The following GGTA1 variants were observed in gnomAD, a reference collection of about 807,000 sequenced individuals.
GGTA1 encodes the protein glycoprotein alpha-galactosyltransferase 1 (inactive), also known as inactive N-acetyllactosaminide alpha-1,3-galactosyltransferase.
Under a neutral mutation model 2.6 loss-of-function variants are expected in GGTA1, and 5 were observed. The observed-to-expected ratio is 1.92, with a 90% CI of 1.00 to 4.04. The LOEUF is 4.04. Among genes scored for constraint, GGTA1 ranks in the 30% most tolerant of loss-of-function variants. The pLI is 0.00. For missense variants in GGTA1, 50 were observed against 16.7 expected, an observed-to-expected ratio of 2.99 and a Z score of -3.47; for synonymous variants, 17 against 5.0, an observed-to-expected ratio of 3.38 and a Z score of -3.19.
chr9:121,499,538 C>G (rs1336942465), intron 1 of GGTA1, 112 bp downstream of exon 1: 1 of 152,560 alleles, frequency 6.6e-6, no homozygotes, highest in Admixed American at 6.5e-5. Context: ...CGGGCAGCGC[C>G]GGAGCAGCGG....
intron 1 of GGTA1, among the ~76,000 whole-genome samples, chr9:121,496,957 C>T (rs150094694): frequency 9.6e-4 from 145 of 151,770 alleles, no homozygotes; most frequent in African/African-American, 2.8e-3. Flanking sequence ...CTTTGGGAGG[C>T]GGAGGTGGGT....
chr9:121,487,842 C>T (rs35904334), intron 1 of GGTA1, among the ~76,000 whole-genome samples: 79,356 of 151,616 alleles, frequency 0.52, 21,217 homozygotes, highest in South Asian at 0.66. Flanking sequence ...CAGCCTCCCA[C>T]GTAGCTGGGA....
rs1287660172 is a variant in GGTA1, at chr9:121,488,694, G to A, written c.-10+10956C>T. Among the ~76,000 whole-genome samples the A allele has an allele frequency of 2.0e-5, 3 of 152,220 alleles. No individual in the cohort carries two copies. In the South Asian group the frequency reaches 6.2e-4, roughly 32 times the overall value. On this transcript the variant is annotated intron_variant, in intron 1 of 5. Coordinates refer to ENST00000481799, the MANE Select transcript of GGTA1 (RefSeq NM_001382585.1). The stretch of plus-strand genomic sequence containing the variant: ...GTCTCTCCATTGCATTCCAGCCTGG[G>A]CAACAAGAGTGAAACTCCGTCTCAA...
Position 121,461,837 on chromosome 9 carries a change from G to C in GGTA1, c.117-520C>G, listed in dbSNP as rs141852516. On this transcript the variant is annotated intron_variant, in intron 3 of 5. Coordinates refer to ENST00000481799, the MANE Select transcript of GGTA1 (RefSeq NM_001382585.1). ...ATGAAAAACCGATGCATGTTTCCAT[G>C]TTTCTTTAGCTAAAACCAGCAGAAT... is the stretch of plus-strand genomic sequence containing the variant. Among the ~76,000 whole-genome samples the C allele has an allele frequency of 1.9e-3, 296 of 152,334 alleles. 2 individuals are homozygous for C. Among genetic ancestry groups the C allele is most frequent in the Admixed American group, 7.6e-3 (117 of 15,302 alleles).
chr9:121,461,435 CA>C (rs1191821981), intron 3 of GGTA1, 118 bp from the exon 4 acceptor site: 3 of 378,918 alleles, frequency 7.9e-6, no homozygotes, highest in African/African-American at 6.4e-5. Flanking sequence ...CTTAAAATGC[CA>C]ATTTATAAAA....
chr9:121,479,084 G>A (rs1289270062), intron 1 of GGTA1: 1 of 456,462 alleles, frequency 2.2e-6, no homozygotes, highest in Non-Finnish European at 4.4e-6. Context: ...CCCTGAGCCG[G>A]CATCCTTCTT....
intron 1 of GGTA1, among the ~76,000 whole-genome samples, chr9:121,487,081 T>C (rs1324822791): frequency 6.6e-6 from 1 of 152,164 alleles, no homozygotes; most frequent in Non-Finnish European, 1.5e-5. Context: ...ATTTGGGGGT[T>C]GGCTCTTGCC....
chr9:121,467,710 G>A (rs2065014779), intron 2 of GGTA1, 133 bp downstream of exon 2: 1 of 348,274 alleles, frequency 2.9e-6, no homozygotes, highest in South Asian at 2.3e-5. Flanking sequence ...AGGAATTCAG[G>A]AAGGGTGGAA....
chr9:121,459,494 CTCTG>C (rs1192844919), intron 5 of GGTA1, among the ~76,000 whole-genome samples: 9 of 152,116 alleles, frequency 5.9e-5, no homozygotes. Flanking sequence ...CTCCTGATTA[CTCTG>C]ATGATACCTC....
chr9:121,496,731 CA>C (rs772847384), intron 1 of GGTA1, among the ~76,000 whole-genome samples: 2,309 of 31,070 alleles, frequency 0.074, 76 homozygotes, highest in East Asian at 0.18. Flanking sequence ...GGCTCCATCT[CA>C]AAAAAAAAAA....
chr9:121,465,348 T>C (rs1292869470), intron 2 of GGTA1, among the ~76,000 whole-genome samples: 2 of 152,272 alleles, frequency 1.3e-5, no homozygotes, highest in Admixed American at 6.5e-5. Flanking sequence ...TGTTCTTCTG[T>C]TGGACTCTTC....
At chr9:121,474,832 C>CTG (rs1828470212) in intron 1 of GGTA1, among the ~76,000 whole-genome samples, 1 of 141,316 alleles carries the variant, frequency 7.1e-6, no homozygotes, top group Non-Finnish European at 1.5e-5. Context: ...CAAGCCTTCT[C>CTG]CGCAGGCTAA....
chr9:121,490,565 G>A (rs1828852732), intron 1 of GGTA1, among the ~76,000 whole-genome samples: 1 of 152,186 alleles, frequency 6.6e-6, no homozygotes, highest in African/African-American at 2.4e-5. Flanking sequence ...TCCTCCCCAA[G>A]TCCATTCACT....
At chr9:121,481,768 G>T (rs4376560) in intron 1 of GGTA1, among the ~76,000 whole-genome samples, 40,134 of 147,376 alleles carry the variant, frequency 0.27, 5,938 homozygotes, top group Middle Eastern at 0.39. Flanking sequence ...AGGCTGAGGC[G>T]GGTGGATCAC....
At chr9:121,459,462 TG>T (rs1285106517) in intron 5 of GGTA1, among the ~76,000 whole-genome samples, 8 of 151,704 alleles carry the variant, frequency 5.3e-5, no homozygotes, top group Middle Eastern at 3.4e-3. Context: ...AAAAATCAAA[TG>T]AAAAAAAAGG....
At chr9:121,448,936 T>G in intron 7 of GGTA1, among the ~76,000 whole-genome samples, 1 of 152,250 alleles carries the variant, frequency 6.6e-6, no homozygotes. Context: ...CAAAATAGCA[T>G]CACTGCCCTA....
chr9:121,451,058 G>A (rs2064875746), downstream of GGTA1, among the ~76,000 whole-genome samples: 1 of 151,782 alleles, frequency 6.6e-6, no homozygotes, highest in African/African-American at 2.4e-5. Flanking sequence ...AGATATAGAG[G>A]GAAAGGCCCA....
chr9:121,465,137 C>G (rs1030716550), intron 2 of GGTA1, among the ~76,000 whole-genome samples: 1 of 152,242 alleles, frequency 6.6e-6, no homozygotes, highest in African/African-American at 2.4e-5. Flanking sequence ...CAGCCAGAAC[C>G]TGCTCTGGCT....
At chr9:121,469,922 A>G (rs1481605300) in intron 1 of GGTA1, among the ~76,000 whole-genome samples, 1 of 152,144 alleles carries the variant, frequency 6.6e-6, no homozygotes, top group African/African-American at 2.4e-5. Flanking sequence ...AAACTAGTCC[A>G]TCCTAAACTG....
Sources: allele counts gnomAD v4.1 joint callset (sites outside exome capture counted in the v4.1 genomes callset), GRCh38; gene constraint gnomAD v4.1.1; transcripts MANE v1.5; gene names NCBI Gene and HGNC (gene_info 2026-07-23, HGNC 2026-07-21).